MEGF11: variants seen among roughly 807,000 people sequenced by gnomAD.
MEGF11 encodes the protein multiple EGF like domains 11.
In MEGF11, 126 loss-of-function variants were observed where a neutral mutation model predicts 146.6. That is an observed-to-expected ratio of 0.86 (90% confidence interval 0.74 to 1.00). The LOEUF is 1.00. Among genes scored for constraint, MEGF11 ranks in the 50% least tolerant of loss-of-function variants. The pLI is 0.00. For synonymous variants in MEGF11, 532 were observed against 583.4 expected (o/e 0.91, Z 1.27); for missense variants, 1,509 against 1,521.2 (o/e 0.99, Z 0.13).
chr15:66,188,297 T>G (rs1194669865), intron 1 of MEGF11, among the ~76,000 whole-genome samples: 2 of 152,104 alleles, frequency 1.3e-5, no homozygotes. Flanking sequence ...TTATCTTTCC[T>G]GTAACTTTCC....
At chr15:66,184,690 C>T (rs1281161981) in intron 1 of MEGF11, among the ~76,000 whole-genome samples, 1 of 151,736 alleles carries the variant, frequency 6.6e-6, no homozygotes, top group African/African-American at 2.4e-5. Context: ...TTCCACCCCT[C>T]TCCTCTCACT....
intron 5 of MEGF11, among the ~76,000 whole-genome samples, chr15:66,050,489 T>C (rs1353442416): frequency 6.6e-6 from 1 of 152,088 alleles, no homozygotes; most frequent in African/African-American, 2.4e-5. Context: ...AGACCTGCCA[T>C]GTGCAAGGGG....
intron 13 of MEGF11, among the ~76,000 whole-genome samples, chr15:65,927,576 G>A (rs920409317): frequency 6.6e-5 from 10 of 152,190 alleles, no homozygotes; most frequent in African/African-American, 2.4e-4. Context: ...GGTTGGGGTG[G>A]GTATTGTAGC....
intron 5 of MEGF11, among the ~76,000 whole-genome samples, chr15:65,990,334 T>G (rs2141750899): frequency 6.6e-6 from 1 of 152,290 alleles, no homozygotes; most frequent in Non-Finnish European, 1.5e-5. Flanking sequence ...AAGGGTAGCT[T>G]GAGTCCAGGA....
chr15:65,963,148 A>C (rs771354680), intron 9 of MEGF11, among the ~76,000 whole-genome samples: 11 of 152,172 alleles, frequency 7.2e-5, no homozygotes, highest in African/African-American at 1.9e-4. Flanking sequence ...CCTGTCTTGG[A>C]GAGGGTCCTC....
chr15:66,032,855 G>A (rs1003840110), intron 5 of MEGF11, among the ~76,000 whole-genome samples: 1 of 152,146 alleles, frequency 6.6e-6, no homozygotes. Flanking sequence ...GCCGAGGTGG[G>A]CAGATCATGA....
intron 1 of MEGF11, among the ~76,000 whole-genome samples, chr15:66,239,291 G>T (rs144867964): frequency 1.3e-5 from 2 of 152,232 alleles, no homozygotes; most frequent in Non-Finnish European, 1.5e-5. Flanking sequence ...AGGTCTTCTG[G>T]TATCAACCCC....
At position 65,922,484 on chromosome 15, in the gene MEGF11, G is replaced by T; in HGVS notation, c.1823-12C>A. 6.4e-7 allele frequency: 1 copy of T among 1,553,064 alleles called. No homozygotes were observed. Among genetic ancestry groups the T allele is most frequent in the Non-Finnish European group, 8.7e-7 (1 of 1,149,592 alleles). On this transcript the variant is annotated splice_polypyrimidine_tract_variant and intron_variant, in intron 14 of 25. Transcript: ENST00000395614. The stretch of plus-strand genomic sequence containing the variant: ...CCCAGGGGGGCAGACTGAGGGTGAA[G>T]GGAAGATGGTGGTCAGCAGCCCAAG...
chr15:66,042,180 A>G (rs1338936937), intron 5 of MEGF11, among the ~76,000 whole-genome samples: 1 of 148,978 alleles, frequency 6.7e-6, no homozygotes, highest in Non-Finnish European at 1.5e-5. Context: ...GTGTGATCTC[A>G]GCTCACTGCA....
At chr15:66,045,159 G>C (rs2084153372) in intron 5 of MEGF11, among the ~76,000 whole-genome samples, 2 of 152,204 alleles carry the variant, frequency 1.3e-5, no homozygotes, top group African/African-American at 2.4e-5. Flanking sequence ...CAGCTTCCCA[G>C]GGCGGTTGGC....
chr15:66,171,644 G>C (rs2090259272), intron 1 of MEGF11, among the ~76,000 whole-genome samples: 2 of 151,774 alleles, frequency 1.3e-5, no homozygotes, highest in Non-Finnish European at 1.5e-5. Context: ...AACCACATGG[G>C]GACTCCTCCC....
intron 1 of MEGF11, among the ~76,000 whole-genome samples, chr15:66,222,872 C>A (rs148684999): frequency 2.0e-5 from 3 of 152,090 alleles, no homozygotes; most frequent in Non-Finnish European, 4.4e-5. Flanking sequence ...AAATGAAAAC[C>A]CTCATACACT....
chr15:66,092,171 A>G (rs568868622), intron 5 of MEGF11, among the ~76,000 whole-genome samples: 4 of 152,222 alleles, frequency 2.6e-5, no homozygotes, highest in South Asian at 2.1e-4. Context: ...ACTTTCCAAC[A>G]ATGAGAATGG....
intron 5 of MEGF11, among the ~76,000 whole-genome samples, chr15:66,075,285 G>A (rs1296532933): frequency 6.6e-6 from 1 of 152,214 alleles, no homozygotes; most frequent in East Asian, 1.9e-4. Flanking sequence ...GATTAGGCCA[G>A]CACAGATCTG....
chr15:66,091,110 C>T (rs766880824), intron 5 of MEGF11, among the ~76,000 whole-genome samples: 4 of 152,200 alleles, frequency 2.6e-5, no homozygotes, highest in Non-Finnish European at 5.9e-5. Flanking sequence ...CAAAGCTTCT[C>T]TGAAAGGGTG....
chr15:66,187,916 A>G lies in MEGF11; in HGVS notation c.-8-59505T>C, dbSNP rs1183156817. Among the ~76,000 whole-genome samples the G allele has an allele frequency of 2.6e-5, 4 of 152,240 alleles. No individual in the cohort carries two copies. In the South Asian group the frequency reaches 8.3e-4, roughly 32 times the overall value. On this transcript the variant is annotated intron_variant, in intron 1 of 25. Transcript: ENST00000395614. ...GAGAATGCCCTTGCTTTTAGGAAATACACATTGAAATGTTGAGGGATAAAG... is the reference window on the plus strand; with the variant it reads ...GAGAATGCCCTTGCTTTTAGGAAATGCACATTGAAATGTTGAGGGATAAAG...
chr15:65,974,124 A>C (rs2081378640), intron 7 of MEGF11, among the ~76,000 whole-genome samples: 1 of 152,184 alleles, frequency 6.6e-6, no homozygotes, highest in African/African-American at 2.4e-5. Context: ...AATAATCACC[A>C]ACCCTGCAGA....
chr15:66,151,357 C>T (rs1017294900), intron 1 of MEGF11, among the ~76,000 whole-genome samples: 30 of 152,162 alleles, frequency 2.0e-4, no homozygotes, highest in Non-Finnish European at 4.0e-4. Context: ...GCTGAGCCAC[C>T]TCGGGGGGAA....
At position 66,155,493 on chromosome 15, in the gene MEGF11, C is replaced by T. The variant is rs146706318; in HGVS notation, c.-8-27082G>A. On this transcript the variant is annotated intron_variant, in intron 1 of 25. Coordinates refer to ENST00000395614, the MANE Select transcript of MEGF11 (RefSeq NM_001385028.1). ...CCCTTGCTGACTTCCTCCAGTCTCC[C>T]GGCCTTAAATAGCTTCTATTATACA... Among the ~76,000 whole-genome samples, 69 of 152,262 alleles carry T rather than the reference C, an allele frequency of 4.5e-4. No individual in the cohort carries two copies. In the East Asian group the frequency reaches 9.6e-3, roughly 21 times the overall value.
Sources: gnomAD v4.1 joint callset for allele counts (sites outside exome capture counted in the v4.1 genomes callset) on GRCh38, gnomAD v4.1.1 for gene constraint, MANE v1.5 for transcripts, NCBI Gene and HGNC (gene_info 2026-07-23, HGNC 2026-07-21) for gene names.